FCAMR: variants seen among roughly 807,000 people sequenced by gnomAD.
FCAMR encodes the protein high affinity immunoglobulin alpha and immunoglobulin mu Fc receptor.
Under a neutral mutation model 52.2 loss-of-function variants are expected in FCAMR, and 51 were observed. That is an observed-to-expected ratio of 0.98 (90% confidence interval 0.78 to 1.23). FCAMR has a LOEUF of 1.23. Ranked by LOEUF, FCAMR falls within the 50% of genes most tolerant of loss-of-function variation. FCAMR has a pLI of 0.00. For missense variants in FCAMR, 719 were observed against 712.6 expected, an observed-to-expected ratio of 1.01 and a Z score of -0.10; for synonymous variants, 282 against 262.0, an observed-to-expected ratio of 1.08 and a Z score of -0.74.
intron 1 of FCAMR, 71 bp from the exon 2 acceptor site, chr1:206,967,722 T>A: frequency 7.1e-6 from 10 of 1,408,388 alleles, no homozygotes; most frequent in Non-Finnish European, 1.0e-5. Flanking sequence ...CCTCGGTTAG[T>A]AACAAGGAGT....
chr1:206,964,719 A>G (rs1221054011), intron 4 of FCAMR, among the ~76,000 whole-genome samples: 1 of 151,966 alleles, frequency 6.6e-6, no homozygotes, highest in African/African-American at 2.4e-5. Flanking sequence ...GCAAAATTAC[A>G]CTTCTTTTCT....
chr1:206,966,016 T>C, intron 3 of FCAMR, 158 bp from the exon 4 acceptor site: 1 of 920,138 alleles, frequency 1.1e-6, no homozygotes. Context: ...CTGCAGCTTC[T>C]CCCTCCCACT....
intron 3 of FCAMR, 139 bp downstream of exon 3, chr1:206,966,913 A>T (rs754945476): frequency 5.5e-6 from 4 of 724,794 alleles, no homozygotes; most frequent in Non-Finnish European, 9.5e-6. Flanking sequence ...TACAGCATGG[A>T]GATGGAGCCA....
chr1:206,968,348 C>A (rs1325390503), intron 1 of FCAMR, among the ~76,000 whole-genome samples: 3 of 151,948 alleles, frequency 2.0e-5, no homozygotes, highest in East Asian at 1.9e-4. Context: ...ACAACAACAA[C>A]AAAAAAGACA....
intron 4 of FCAMR, 58 bp from the exon 5 acceptor site, chr1:206,962,609 G>A: frequency 7.1e-7 from 1 of 1,403,210 alleles, no homozygotes; most frequent in Non-Finnish European, 9.5e-7. Flanking sequence ...CACTGTTTGG[G>A]GACTCACGAA....
At chr1:206,963,270 A>T (rs1680579950) in intron 4 of FCAMR, among the ~76,000 whole-genome samples, 1 of 152,208 alleles carries the variant, frequency 6.6e-6, no homozygotes, top group Admixed American at 6.5e-5. Flanking sequence ...ATATAAGCAC[A>T]GATGAGCAGT....
intron 6 of FCAMR, chr1:206,960,026 C>A: frequency 1.9e-6 from 1 of 529,548 alleles, no homozygotes; most frequent in Non-Finnish European, 3.4e-6. Context: ...TGTGTGGGCC[C>A]TGCGATGCCT....
In FCAMR at chr1:206,958,576, C is replaced by G. The variant is rs374894378; in HGVS notation, c.1674G>C (p.Gln558His). The change falls in exon 8 of 8, where the codon CAG becomes CAC. Residue 558 changes from glutamine (Q) to histidine (H), a missense_variant. Gln to His is a conservative substitution (Grantham distance 24). Coordinates refer to ENST00000324852, the MANE Select transcript of FCAMR (RefSeq NM_001170631.2). ...TGGCCCCAGCAGGAAGAGAGTCATCCTGGAGCATCTTTCTTTCCACATGGG... is the reference window on the plus strand; with the variant it reads ...TGGCCCCAGCAGGAAGAGAGTCATCGTGGAGCATCTTTCTTTCCACATGGG... ...QLPHVERKML[Q>H]DDSLPAGASL... is the part of the protein sequence containing the mutation. 7.6e-5 allele frequency: 122 copies of G among 1,613,604 alleles called. No individual in the cohort carries two copies. The highest frequency in any genetic ancestry group is 4.8e-5 in the Non-Finnish European group (57 of 1,180,006).
chr1:206,970,230 C>A lies in FCAMR; in HGVS notation c.-105G>T. On this transcript the variant is annotated 5_prime_UTR_variant, in exon 1 of 8. Coordinates refer to ENST00000324852, the MANE Select transcript of FCAMR (RefSeq NM_001170631.2). ...CCTTTAAACCTGGAGACTGAGAAGT[C>A]AAGGTGGTATTTTGGAAAGCAGCTG... The A allele has an allele frequency of 1.5e-6, 2 of 1,370,408 alleles. No individual in the cohort carries two copies. The highest frequency in any genetic ancestry group is 2.5e-5 in the South Asian group (2 of 80,440). The allele number at this position is 1,370,408 out of a possible 1,614,324, so 84.9% of individuals were successfully genotyped here.
At chr1:206,959,302 C>T (rs1680395833) in intron 7 of FCAMR, among the ~76,000 whole-genome samples, 1 of 151,954 alleles carries the variant, frequency 6.6e-6, no homozygotes, top group Non-Finnish European at 1.5e-5. Flanking sequence ...CACAGTGAAA[C>T]CCCATCTCTA....
At position 206,959,731 on chromosome 1, in the gene FCAMR, A is replaced by T. The variant is rs1680421524; in HGVS notation, c.1521T>A (p.Phe507Leu). The T allele has an allele frequency of 1.2e-6, 2 of 1,614,004 alleles. No homozygotes were observed. Among genetic ancestry groups the T allele is most frequent in the South Asian group, 2.2e-5 (2 of 91,082 alleles). The change falls in exon 7 of 8, where the codon TTT becomes TTA. Residue 507 changes from phenylalanine (F) to leucine (L), a missense_variant. Physicochemically the swap from Phe to Leu is conservative, Grantham distance 22. Transcript: ENST00000324852. Reference sequence around the variant, plus strand: ...GCAATAGAACCAGAGCCATAAGCATAAACAGGGCCAGCATGGTAGAGACAG... The same window carrying T: ...GCAATAGAACCAGAGCCATAAGCATTAACAGGGCCAGCATGGTAGAGACAG... ...LAPVSTMLALFMLMALVLLQR... is the reference protein window; with the variant it reads ...LAPVSTMLALLMLMALVLLQR...
At chr1:206,965,019 T>C (rs1018935205) in intron 4 of FCAMR, among the ~76,000 whole-genome samples, 2 of 152,218 alleles carry the variant, frequency 1.3e-5, no homozygotes, top group Non-Finnish European at 2.9e-5. Flanking sequence ...ATAAATGTTA[T>C]GTCTGTGCTG....
chr1:206,958,872 A>G, intron 7 of FCAMR, 196 bp from the exon 8 acceptor site: 1 of 701,128 alleles, frequency 1.4e-6, no homozygotes, highest in Non-Finnish European at 2.6e-6. Flanking sequence ...TGAGAACCTT[A>G]GCCTCCTCCA....
intron 7 of FCAMR, among the ~76,000 whole-genome samples, chr1:206,959,336 G>A (rs1680397002): frequency 6.6e-6 from 1 of 152,054 alleles, no homozygotes; most frequent in Non-Finnish European, 1.5e-5. Flanking sequence ...AATTAGCCAG[G>A]CATGATGGTA....
At chr1:206,968,397 G>T (rs12711512) in intron 1 of FCAMR, among the ~76,000 whole-genome samples, 27,665 of 152,188 alleles carry the variant, frequency 0.18, 2,591 homozygotes, top group East Asian at 0.33. Context: ...TCCCCAGAGG[G>T]TATTCATGGA....
chr1:206,959,497 GAAAAGAAAGAAA>G (rs57621009), intron 7 of FCAMR, among the ~76,000 whole-genome samples, 170 bp downstream of exon 7: 224 of 149,260 alleles, frequency 1.5e-3, no homozygotes, highest in African/African-American at 5.4e-3. Context: ...AAAAAGAAAA[GAAAAGAAAGAAA>G]AAAAGAAAGA....
chr1:206,963,073 G>A (rs1680573549), intron 4 of FCAMR, among the ~76,000 whole-genome samples: 1 of 152,208 alleles, frequency 6.6e-6, no homozygotes, highest in Admixed American at 6.5e-5. Context: ...GCTCTGGTTT[G>A]CATGGAATGT....
At chr1:206,968,634 C>T (rs980676067) in intron 1 of FCAMR, among the ~76,000 whole-genome samples, 1 of 152,088 alleles carries the variant, frequency 6.6e-6, no homozygotes, top group African/African-American at 2.4e-5. Flanking sequence ...AAACCACTGG[C>T]CAGTTTGTGA....
Position 206,958,404 on chromosome 1 carries a change from CAGCTTCTCTTCCCA to C in FCAMR, c.*98_*111del. On this transcript the variant is annotated 3_prime_UTR_variant, in exon 8 of 8. Coordinates refer to ENST00000324852, the MANE Select transcript of FCAMR (RefSeq NM_001170631.2). ...TCCATGGGTGGAGCACCGGCTGCAT[CAGCTTCTCTTCCCA>C]CAGGTGGAGGAAGGATGATGGAAAG... is the stretch of plus-strand genomic sequence containing the variant. 1 of 1,247,120 alleles carries C rather than the reference CAGCTTCTCTTCCCA, an allele frequency of 8.0e-7. No individual in the cohort carries two copies. Among genetic ancestry groups the C allele is most frequent in the Non-Finnish European group, 1.1e-6 (1 of 917,454 alleles). 77.3% of individuals were successfully genotyped at this position (1,247,120 alleles called of 1,614,324 possible).
Sources: allele counts gnomAD v4.1 joint callset (sites outside exome capture counted in the v4.1 genomes callset), GRCh38; gene constraint gnomAD v4.1.1; transcripts MANE v1.5; gene names NCBI Gene and HGNC (gene_info 2026-07-23, HGNC 2026-07-21).